BNIP5: variants seen among roughly 807,000 people sequenced by gnomAD.
The protein encoded by BNIP5 is protein BNIP5.
BNIP5 carries 61 observed loss-of-function variants against 67.3 expected under a neutral mutation model. That is an observed-to-expected ratio of 0.91 (90% CI 0.74 to 1.12). The LOEUF is 1.12. BNIP5 is among the 50% of genes most tolerant of loss of function. BNIP5 has a pLI of 0.00. For missense variants in BNIP5, 826 were observed against 816.3 expected (o/e 1.01, Z -0.14); for synonymous variants, 317 against 319.0 (o/e 0.99, Z 0.07).
Position 36,317,385 on chromosome 6 carries a change from T to C in BNIP5, c.1930A>G (p.Thr644Ala). The stretch of plus-strand genomic sequence containing the variant: ...TCTGGACTTTCAACCTTAGGACTTG[T>C]GATGTTCTGGGAAGAGAAAAAGAAC... ...FPYREDQPNI[T>A]SPKVESPD Residue 644 changes from threonine to alanine, a missense_variant, in exon 12 of 12, where the codon ACA becomes GCA. Coordinates refer to ENST00000437635, the MANE Select transcript of BNIP5 (RefSeq NM_001010903.5). 6.2e-7 allele frequency: 1 copy of C among 1,613,376 alleles called. No homozygotes were observed. Among genetic ancestry groups the C allele is most frequent in the African/African-American group, 1.3e-5 (1 of 75,004 alleles).
chr6:36,329,477 C>A (rs1027250399), intron 2 of BNIP5, among the ~76,000 whole-genome samples: 1 of 152,160 alleles, frequency 6.6e-6, no homozygotes, highest in Non-Finnish European at 1.5e-5. Context: ...GAGTGGTTCT[C>A]CCTGGAGCGC....
Position 36,323,391 on chromosome 6 carries a change from G to A in BNIP5, c.1373C>T (p.Ala458Val). 5 of 1,614,260 alleles carry A rather than the reference G, an allele frequency of 3.1e-6. No individual in the cohort carries two copies. The highest frequency in any genetic ancestry group is 4.2e-6 in the Non-Finnish European group (5 of 1,180,036). The change falls in exon 8 of 12, where the codon GCA becomes GTA. Residue 458 changes from alanine to valine, a missense_variant. Coordinates refer to ENST00000437635, the MANE Select transcript of BNIP5 (RefSeq NM_001010903.5). ...GGCCTCTGGGCTGGCAGCCCCTGCTGCCCCCGCTCTTCTGGGTTCCTTGGA... is the reference window on the plus strand; with the variant it reads ...GGCCTCTGGGCTGGCAGCCCCTGCTACCCCCGCTCTTCTGGGTTCCTTGGA... ...HTSKEPRRAGAAGAASPEARR... is the reference protein window; with the variant it reads ...HTSKEPRRAGVAGAASPEARR...
intron 1 of BNIP5, among the ~76,000 whole-genome samples, chr6:36,331,676 C>CT (rs1045682055): frequency 6.6e-6 from 1 of 152,126 alleles, no homozygotes; most frequent in Non-Finnish European, 1.5e-5. Context: ...TGACTTCTCT[C>CT]TTTTTTTAAA....
At chr6:36,328,485 T>C in intron 3 of BNIP5, 113 bp downstream of exon 3, 1 of 703,682 alleles carries the variant, frequency 1.4e-6, no homozygotes, top group Non-Finnish European at 2.6e-6. Context: ...GGCCAGTGCA[T>C]GTATTTTGAG....
Position 36,324,109 on chromosome 6 carries a change from A to G in BNIP5, c.1230+20T>C. 1 of 1,605,800 alleles carries G rather than the reference A, an allele frequency of 6.2e-7. No individual in the cohort carries two copies. The highest frequency in any genetic ancestry group is 8.5e-7 in the Non-Finnish European group (1 of 1,172,654). ...GAGCCCACAGTGAGGTCAGGGTTAC[A>G]TGGGGAGCGTCTTCCTCACCTCCTC... On this transcript the variant is annotated intron_variant, in intron 7 of 11. Coordinates refer to ENST00000437635, the MANE Select transcript of BNIP5 (RefSeq NM_001010903.5).
At position 36,330,614 on chromosome 6, in the gene BNIP5, C is replaced by A; in HGVS notation, c.77G>T (p.Gly26Val). 1 of 1,610,546 alleles carries A rather than the reference C, an allele frequency of 6.2e-7. No individual in the cohort carries two copies. Among genetic ancestry groups the A allele is most frequent in the East Asian group, 2.2e-5 (1 of 44,866 alleles). Residue 26 changes from glycine to valine, a missense_variant, in exon 2 of 12, where the codon GGG becomes GTG. Physicochemically the swap from Gly to Val is moderately radical, Grantham distance 109. Coordinates refer to ENST00000437635, the MANE Select transcript of BNIP5 (RefSeq NM_001010903.5). ...ARSLDRPQAP[G>V]KGSESWDCHW... ...GCAGTCCCACGACTCCGAGCCTTTCCCGGGGGCCTGCGGCCTGTCCAGAGA... is the reference window on the plus strand; with the variant it reads ...GCAGTCCCACGACTCCGAGCCTTTCACGGGGGCCTGCGGCCTGTCCAGAGA...
intron 1 of BNIP5, among the ~76,000 whole-genome samples, chr6:36,332,691 T>C (rs1188961862): frequency 1.3e-5 from 2 of 150,632 alleles, no homozygotes; most frequent in Non-Finnish European, 2.9e-5. Flanking sequence ...CAGCGGCCAA[T>C]GAAAAATGAC....
rs373720359 is a variant in BNIP5 at position 36,330,596 on chromosome 6, C to G, written c.95G>C (p.Trp32Ser). 1.1e-5 allele frequency: 17 copies of G among 1,612,426 alleles called. No homozygotes were observed. Among genetic ancestry groups the G allele is most frequent in the Non-Finnish European group, 1.4e-5 (16 of 1,180,032 alleles). ...GGGCAGGGAGAGCCAATGGCAGTCCCACGACTCCGAGCCTTTCCCGGGGGC... is the reference window on the plus strand; with the variant it reads ...GGGCAGGGAGAGCCAATGGCAGTCCGACGACTCCGAGCCTTTCCCGGGGGC... ...PQAPGKGSES[W>S]DCHWLSLPTA... Residue 32 changes from tryptophan to serine, a missense_variant, in exon 2 of 12, where the codon TGG becomes TCG. Coordinates refer to ENST00000437635, the MANE Select transcript of BNIP5 (RefSeq NM_001010903.5).
At chr6:36,323,240 A>C in intron 8 of BNIP5, 53 bp downstream of exon 8, 1 of 1,608,752 alleles carries the variant, frequency 6.2e-7, no homozygotes, top group Non-Finnish European at 8.5e-7. Flanking sequence ...GCCACACAGC[A>C]GCCTTGCCCA....
chr6:36,323,094 G>C (rs1771671718), intron 8 of BNIP5, among the ~76,000 whole-genome samples, 199 bp downstream of exon 8: 1 of 152,174 alleles, frequency 6.6e-6, no homozygotes, highest in Admixed American at 6.5e-5. Flanking sequence ...CTGGGGGTGG[G>C]GTCCTGCTGG....
chr6:36,325,153 C>T, intron 6 of BNIP5, 130 bp downstream of exon 6: 1 of 1,022,718 alleles, frequency 9.8e-7, no homozygotes, highest in Non-Finnish European at 1.5e-6. Context: ...GCTGCCTCCC[C>T]AGCCTGCTGT....
chr6:36,327,837 C>CT (rs35688804), intron 3 of BNIP5, among the ~76,000 whole-genome samples: 12,231 of 137,294 alleles, frequency 0.089, 590 homozygotes, highest in Non-Finnish European at 0.13. Flanking sequence ...TGTGGGTTTG[C>CT]TTTTTTTTTT....
At chr6:36,333,171 T>G (rs1771941761) in intron 1 of BNIP5, among the ~76,000 whole-genome samples, 1 of 152,212 alleles carries the variant, frequency 6.6e-6, no homozygotes, top group African/African-American at 2.4e-5. Context: ...CCTTCCCTCC[T>G]CCAAGCACCA....
At chr6:36,323,252 G>A (rs758636205) in intron 8 of BNIP5, 41 bp downstream of exon 8, 2 of 1,611,604 alleles carry the variant, frequency 1.2e-6, no homozygotes, top group South Asian at 2.2e-5. Context: ...CCTTGCCCAA[G>A]AGGAAGCCTC....
Position 36,319,587 on chromosome 6 carries a change from C to T in BNIP5, c.1692G>A (p.Lys564=). ...GQQIRRHPSF[K]RFFYEFSDSS... ...AGTCCGAGAACTCGTAAAAAAACCT[C>T]TTAAAGCTGGGGTGGCGCCTGATCT... is the stretch of plus-strand genomic sequence containing the variant. The change falls in exon 11 of 12, where the codon AAG becomes AAA. Residue 564 remains lysine, a synonymous_variant. Transcript: ENST00000437635. 6.2e-7 allele frequency: 1 copy of T among 1,612,732 alleles called. No homozygotes were observed. Among genetic ancestry groups the T allele is most frequent in the Non-Finnish European group, 8.5e-7 (1 of 1,178,814 alleles).
At chr6:36,326,412 A>G in intron 5 of BNIP5, 98 bp downstream of exon 5, 4 of 1,473,382 alleles carry the variant, frequency 2.7e-6, no homozygotes, top group Non-Finnish European at 3.7e-6. Context: ...CAGACCAGGC[A>G]CAACGCAACC....
rs1038810495 is a variant in BNIP5 at position 36,324,341 on chromosome 6, C to T, written c.1169-151G>A. ...GGTGGCCTGAGGGCAGAGCTGGTTT[C>T]ATGGGATACATATTCACTTTACCAA... On this transcript the variant is annotated intron_variant, in intron 6 of 11. Transcript: ENST00000437635. The T allele has an allele frequency of 4.4e-6, 3 of 689,604 alleles. No homozygotes were observed. In the African/African-American group the frequency reaches 5.2e-5, roughly 12 times the overall value. 42.7% of individuals were successfully genotyped at this position (689,604 alleles called of 1,614,324 possible).
intron 1 of BNIP5, among the ~76,000 whole-genome samples, chr6:36,332,584 G>C (rs1420472392): frequency 6.6e-6 from 1 of 152,174 alleles, no homozygotes; most frequent in Non-Finnish European, 1.5e-5. Context: ...CAACACGTAA[G>C]GTATCTTTGG....
At chr6:36,323,006 C>T (rs1027061615) in intron 8 of BNIP5, among the ~76,000 whole-genome samples, 5 of 152,222 alleles carry the variant, frequency 3.3e-5, no homozygotes, top group Admixed American at 2.0e-4. Flanking sequence ...CACAGCGGCA[C>T]GGATCTCCCA....
Sources: gnomAD v4.1 joint callset for allele counts (sites outside exome capture counted in the v4.1 genomes callset) on GRCh38, gnomAD v4.1.1 for gene constraint, MANE v1.5 for transcripts, NCBI Gene and HGNC (gene_info 2026-07-23, HGNC 2026-07-21) for gene names.